Variants in CADPS2 observed in about 807,000 individuals in gnomAD.
The protein encoded by CADPS2 is calcium-dependent secretion activator 2.
Under a neutral mutation model 172.5 loss-of-function variants are expected in CADPS2, and 93 were observed. The ratio of observed to expected loss-of-function variants is 0.54; its 90% CI spans 0.46 to 0.64. CADPS2 has a LOEUF of 0.64. CADPS2 is among the 30% of genes least tolerant of loss of function. CADPS2 has a pLI of 0.00. For synonymous variants in CADPS2, 546 were observed against 555.2 expected (o/e 0.98, Z 0.23); for missense variants, 1,420 against 1,565.9 (o/e 0.91, Z 1.57).
intron 1 of CADPS2, among the ~76,000 whole-genome samples, chr7:122,874,212 T>A (rs1185490683): frequency 6.6e-6 from 1 of 152,154 alleles, no homozygotes; most frequent in East Asian, 1.9e-4. Flanking sequence ...GCTTTTGGTG[T>A]TTTAGTCATA....
rs1245533729 is a variant in CADPS2, at chr7:122,319,990, A to C, written c.*175T>G. 2.1e-5 allele frequency: 12 copies of C among 571,730 alleles called. No individual in the cohort carries two copies. The highest frequency in any genetic ancestry group is 2.9e-5 in the Non-Finnish European group (11 of 377,040). 35.4% of individuals were successfully genotyped at this position (571,730 alleles called of 1,614,324 possible). A position where few individuals can be genotyped will look rare whatever the true frequency, so the allele number is the denominator to read the frequency against. On this transcript the variant is annotated 3_prime_UTR_variant, in exon 30 of 30. Transcript: ENST00000449022. ...ACAAACAAAAAAAGGAAACAAAAAA[A>C]CCCCAAAATCTTGGCATTTCCCCTT...
chr7:122,453,098 C>T (rs1022614614), intron 14 of CADPS2, among the ~76,000 whole-genome samples: 3 of 152,152 alleles, frequency 2.0e-5, no homozygotes, highest in African/African-American at 4.8e-5. Flanking sequence ...GCTTTGAAAA[C>T]ATTTCTTACA....
chr7:122,678,845 G>T (rs371501905), intron 2 of CADPS2, among the ~76,000 whole-genome samples: 1 of 129,502 alleles, frequency 7.7e-6, no homozygotes, highest in Non-Finnish European at 1.6e-5. Context: ...CAGGGACCTC[G>T]AATGGAGGGA....
At position 122,587,859 on chromosome 7, in the gene CADPS2, A is replaced by T. The variant is rs916359055; in HGVS notation, c.1224-6569T>A. The stretch of plus-strand genomic sequence containing the variant: ...TGTAAAAGTGTTCCTATTTCTCTGC[A>T]ACCTTGCTAACATCTGTTGTTTCTT... On this transcript the variant is annotated intron_variant, in intron 6 of 29. Coordinates refer to ENST00000449022, the MANE Select transcript of CADPS2 (RefSeq NM_017954.11). Among the ~76,000 whole-genome samples, 10 of 152,212 alleles carry T rather than the reference A, an allele frequency of 6.6e-5. No homozygotes were observed. In the South Asian group the frequency reaches 1.4e-3, roughly 22 times the overall value.
At chr7:122,607,741 T>G in intron 6 of CADPS2, among the ~76,000 whole-genome samples, 1 of 152,174 alleles carries the variant, frequency 6.6e-6, no homozygotes, top group East Asian at 1.9e-4. Flanking sequence ...TTTCTGTATT[T>G]GGCTAATGCT....
chr7:122,335,542 G>A (rs1283699334), intron 28 of CADPS2, among the ~76,000 whole-genome samples: 1 of 152,158 alleles, frequency 6.6e-6, no homozygotes, highest in East Asian at 1.9e-4. Context: ...GAGAGAAAAA[G>A]TCAACAAAAA....
chr7:122,757,575 G>A (rs1421529265), intron 1 of CADPS2, among the ~76,000 whole-genome samples: 1 of 151,948 alleles, frequency 6.6e-6, no homozygotes, highest in Non-Finnish European at 1.5e-5. Context: ...GGTGATTTAT[G>A]TCATAATTTT....
chr7:122,442,155 A>G (rs1306083350), intron 15 of CADPS2, among the ~76,000 whole-genome samples: 3 of 152,176 alleles, frequency 2.0e-5, no homozygotes, highest in African/African-American at 7.2e-5. Context: ...GCACACCAAC[A>G]AATGAAGGAC....
In CADPS2 at chr7:122,659,322, A is replaced by AAAAC. The variant is rs754867367; in HGVS notation, c.786+3914_786+3915insGTTT. ...GAAATGCTAGACATAAAAAAAAAAA[A>AAAAC]AAAACACCGTGGAAAAAAATGAAGA... On this transcript the variant is annotated intron_variant, in intron 3 of 29. Transcript: ENST00000449022. 1.6e-3 allele frequency among the ~76,000 whole-genome samples: 243 copies of AAAAC among 151,684 alleles called. 1 individual carries two copies. The highest frequency in any genetic ancestry group is 2.7e-3 in the Non-Finnish European group (183 of 67,860).
chr7:122,681,397 G>A (rs938909086), intron 2 of CADPS2: 19 of 1,495,976 alleles, frequency 1.3e-5, no homozygotes, highest in African/African-American at 5.5e-5. Context: ...AACTGTGCCC[G>A]ATGCGTGCCC....
At chr7:122,528,005 T>A (rs1027838731) in intron 8 of CADPS2, among the ~76,000 whole-genome samples, 7 of 152,136 alleles carry the variant, frequency 4.6e-5, no homozygotes, top group African/African-American at 1.7e-4. Flanking sequence ...AGAATAGCAA[T>A]ATTAGCTCCC....
chr7:122,742,390 CAA>C (rs955291832), intron 1 of CADPS2, among the ~76,000 whole-genome samples: 1 of 140,416 alleles, frequency 7.1e-6, no homozygotes. Context: ...GACTCCATCT[CAA>C]AAAAAAAAAT....
chr7:122,656,719 C>T (rs1231451511), intron 3 of CADPS2, among the ~76,000 whole-genome samples: 1 of 152,052 alleles, frequency 6.6e-6, no homozygotes, highest in Non-Finnish European at 1.5e-5. Context: ...GGGGCAGAGT[C>T]CTTAGGGAAG....
Position 122,325,542 on chromosome 7 carries a change from A to G in CADPS2, c.3652T>C (p.Leu1218=). 6.2e-7 allele frequency: 1 copy of G among 1,611,706 alleles called. No homozygotes were observed. The highest frequency in any genetic ancestry group is 8.5e-7 in the Non-Finnish European group (1 of 1,178,722). Residue 1218 remains leucine, a synonymous_variant, in exon 29 of 30, where the codon TTG becomes CTG. Coordinates refer to ENST00000449022, the MANE Select transcript of CADPS2 (RefSeq NM_017954.11). ...AGTTGGAGGTCTAATCTATCAGTCA[A>G]CCACACGCAAATGACTTTCATGGAA... ...SSSMKVICVW[L]TDRLDLQLHI...
At chr7:122,850,950 G>T (rs1350594547) in intron 1 of CADPS2, among the ~76,000 whole-genome samples, 5 of 152,198 alleles carry the variant, frequency 3.3e-5, no homozygotes, top group Non-Finnish European at 7.3e-5. Context: ...GCATATGGCA[G>T]CTGGTAAGCA....
At chr7:122,841,067 A>T (rs57376495) in intron 1 of CADPS2, among the ~76,000 whole-genome samples, 29,834 of 152,092 alleles carry the variant, frequency 0.2, 3,047 homozygotes, top group Middle Eastern at 0.3. Context: ...CACTCAAATA[A>T]ATGGAGGAAG....
chr7:122,878,025 G>A (rs923899717), intron 1 of CADPS2, among the ~76,000 whole-genome samples: 1 of 43,426 alleles, frequency 2.3e-5, no homozygotes, highest in African/African-American at 2.9e-4. Context: ...TTGGGAGGCC[G>A]AGGCGGTGGA....
At chr7:122,569,443 A>G (rs1170176427) in intron 7 of CADPS2, among the ~76,000 whole-genome samples, 3 of 151,950 alleles carry the variant, frequency 2.0e-5, no homozygotes, top group Non-Finnish European at 2.9e-5. Context: ...TACCGTGAAA[A>G]TGGCCATAAT....
chr7:122,776,800 G>T (rs1215624517), intron 1 of CADPS2, among the ~76,000 whole-genome samples: 4 of 152,076 alleles, frequency 2.6e-5, no homozygotes, highest in Admixed American at 6.5e-5. Context: ...TTGGAGTAAA[G>T]GTCACTCTTG....
Sources: gnomAD v4.1 joint callset for allele counts (sites outside exome capture counted in the v4.1 genomes callset) on GRCh38, gnomAD v4.1.1 for gene constraint, MANE v1.5 for transcripts, NCBI Gene and HGNC (gene_info 2026-07-23, HGNC 2026-07-21) for gene names.